COL4A5: variants seen among roughly 807,000 people sequenced by gnomAD.
COL4A5 encodes the protein collagen type IV alpha 5 chain, also known as collagen alpha-5(IV) chain.
A neutral mutation model predicts 130.2 loss-of-function variants in COL4A5; 26 were observed. The observed-to-expected ratio is 0.20, with a 90% CI of 0.15 to 0.28. The LOEUF (loss-of-function observed/expected upper bound fraction) is 0.28, where lower values mean the gene tolerates loss of function less well. Among genes scored for constraint, COL4A5 ranks in the 10% least tolerant of loss-of-function variants. COL4A5 has a pLI of 1.00. For missense variants in COL4A5, 1,131 were observed against 1,344.3 expected (o/e 0.84, Z 2.48); for synonymous variants, 496 against 439.6 (o/e 1.13, Z -1.60).
rs756420773 is a variant in COL4A5, at chrX:108,620,342, C to G, written c.2593C>G (p.Pro865Ala). ...AGGACCCCCAGGTGAAAGAGGCAGT[C>G]CAGGGATCCCCGGAGCACCTGGTCC... ...VPGPPGERGS[P>A]GIPGAPGPIG... Residue 865 changes from proline (P) to alanine (A), a missense_variant, in exon 31 of 53, where the codon CCA (proline) becomes GCA (alanine). Transcript: ENST00000328300. The G allele has an allele frequency of 7.5e-6, 9 of 1,206,455 alleles. No individual in the cohort carries two copies. Among genetic ancestry groups the G allele is most frequent in the Non-Finnish European group, 1.0e-5 (9 of 892,683 alleles).
chrX:108,561,542 G>A (rs1421780738), intron 3 of COL4A5, among the ~76,000 whole-genome samples: 1 of 109,686 alleles, frequency 9.1e-6, no homozygotes, highest in African/African-American at 3.3e-5. Context: ...GACTCTTTTG[G>A]CTTAGTGCCT....
chrX:108,543,104 T>G lies in COL4A5; in HGVS notation c.141+3299T>G, dbSNP rs747892147. 2.1e-3 allele frequency among the ~76,000 whole-genome samples: 237 copies of G among 110,746 alleles called. 2 individuals are homozygous for G. The highest frequency in any genetic ancestry group is 7.4e-3 in the African/African-American group (226 of 30,390). On this transcript the variant is annotated intron_variant, in intron 2 of 52. Coordinates refer to ENST00000328300, the MANE Select transcript of COL4A5 (RefSeq NM_033380.3). ...TTTCTTTTGCTGTGCAGAAGCTCTT[T>G]AGTTTAATTAGATCCCATTTGTCAA...
At chrX:108,692,163 T>C (rs891553277) in intron 49 of COL4A5, among the ~76,000 whole-genome samples, 7 of 112,143 alleles carry the variant, frequency 6.2e-5, no homozygotes, top group African/African-American at 2.3e-4. Context: ...TTGTCCCTAC[T>C]AGCTCTGAAT....
chrX:108,570,762 A>G (rs1352030731), intron 6 of COL4A5, among the ~76,000 whole-genome samples: 2 of 111,633 alleles, frequency 1.8e-5, no homozygotes, highest in African/African-American at 6.5e-5. Flanking sequence ...AAACCTTCTG[A>G]TGAAGTTGTT....
At chrX:108,475,933 G>A (rs1057015052) in intron 1 of COL4A5, among the ~76,000 whole-genome samples, 73 of 111,283 alleles carry the variant, frequency 6.6e-4, no homozygotes, top group African/African-American at 2.3e-3. Context: ...TAGACATAAG[G>A]ATTTCAGGAT....
chrX:108,618,394 GT>G (rs1363037626), intron 30 of COL4A5, among the ~76,000 whole-genome samples: 2 of 111,803 alleles, frequency 1.8e-5, no homozygotes, highest in African/African-American at 6.5e-5. Flanking sequence ...TACCCAACCT[GT>G]TGTAGTATAA....
chrX:108,686,188 T>A (rs2068542650), intron 48 of COL4A5, 59 bp downstream of exon 48: 2 of 898,779 alleles, frequency 2.2e-6, no homozygotes, highest in Non-Finnish European at 3.2e-6. Context: ...GAGAGACCTC[T>A]GGACATAGGG....
intron 47 of COL4A5, among the ~76,000 whole-genome samples, chrX:108,684,503 A>T (rs750975765): frequency 8.9e-6 from 1 of 112,576 alleles, no homozygotes; most frequent in East Asian, 2.8e-4. Flanking sequence ...GAAAATCTAG[A>T]AGAAATGGAT....
intron 49 of COL4A5, among the ~76,000 whole-genome samples, chrX:108,688,378 T>C (rs1025246461): frequency 4.5e-5 from 5 of 110,796 alleles, no homozygotes; most frequent in African/African-American, 6.6e-5. Context: ...ATTCTGACTT[T>C]GGATGTTGAA....
intron 29 of COL4A5, among the ~76,000 whole-genome samples, chrX:108,609,112 T>G (rs909630623): frequency 8.9e-6 from 1 of 112,162 alleles, no homozygotes; most frequent in Non-Finnish European, 1.9e-5. Flanking sequence ...TACAATTCTT[T>G]TTTATGGATA....
chrX:108,651,204 G>A (rs1475045253), intron 36 of COL4A5, among the ~76,000 whole-genome samples: 1 of 111,359 alleles, frequency 9.0e-6, no homozygotes, highest in African/African-American at 3.3e-5. Flanking sequence ...GACTGCTAAT[G>A]TGTACAGTTT....
intron 25 of COL4A5, among the ~76,000 whole-genome samples, chrX:108,599,640 G>A (rs1346134172): frequency 2.7e-5 from 3 of 111,590 alleles, no homozygotes; most frequent in Admixed American, 9.5e-5. Flanking sequence ...CTTCTCTAGG[G>A]CAAGAGTTGG....
intron 37 of COL4A5, among the ~76,000 whole-genome samples, chrX:108,661,226 G>A (rs914930924): frequency 3.6e-5 from 4 of 111,347 alleles, no homozygotes; most frequent in African/African-American, 9.8e-5. Context: ...TTCTTCTGTC[G>A]TATTTTCTCC....
At chrX:108,481,219 G>C (rs1174406898) in intron 1 of COL4A5, among the ~76,000 whole-genome samples, 10 of 110,920 alleles carry the variant, frequency 9.0e-5, no homozygotes, top group Non-Finnish European at 1.7e-4. Flanking sequence ...TCAGCTCAGA[G>C]CCAGTGTCCA....
intron 18 of COL4A5, 43 bp from the exon 19 acceptor site, chrX:108,586,572 T>C: frequency 8.6e-7 from 1 of 1,161,169 alleles, no homozygotes; most frequent in Non-Finnish European, 1.2e-6. Flanking sequence ...ACAAGGCTTT[T>C]CTTCTTTGCA....
intron 44 of COL4A5, 112 bp downstream of exon 44, chrX:108,677,745 T>G (rs753184797): frequency 3.2e-6 from 3 of 937,073 alleles, no homozygotes. Context: ...AGGTTCTATG[T>G]GTGGCTCACT....
At position 108,459,919 on chromosome X, in the gene COL4A5, A is replaced by T. The variant is rs549655703; in HGVS notation, c.81+19713A>T. Among the ~76,000 whole-genome samples the T allele has an allele frequency of 4.5e-5, 5 of 112,314 alleles. No individual in the cohort carries two copies. The South Asian group carries it at 1.8e-3, about 42-fold the overall frequency. Reference sequence around the variant, plus strand: ...TATTTCTCTTTGATAATGTTGTAGGAAACAAGAAATATGTAGGTCTTAACT... The same window carrying T: ...TATTTCTCTTTGATAATGTTGTAGGTAACAAGAAATATGTAGGTCTTAACT... On this transcript the variant is annotated intron_variant, in intron 1 of 52. Transcript: ENST00000328300.
In COL4A5 at chrX:108,681,865, C is replaced by G. The variant is rs1279392279; in HGVS notation, c.4193C>G (p.Pro1398Arg). ...CCTGGGCTAAAGGGTCTACCAGGAC[C>G]CCAAGGACCTCAAGGCTTACCAGGT... is the stretch of plus-strand genomic sequence containing the variant. ...GQPGLKGLPG[P>R]QGPQGLPGPT... Residue 1398 changes from proline to arginine, a missense_variant, in exon 47 of 53, where the codon CCC becomes CGC. Transcript: ENST00000328300. 8.3e-7 allele frequency: 1 copy of G among 1,209,678 alleles called. No homozygotes were observed. The highest frequency in any genetic ancestry group is 1.7e-5 in the African/African-American group (1 of 57,616).
chrX:108,477,436 C>T (rs188476473), intron 1 of COL4A5, among the ~76,000 whole-genome samples: 341 of 111,794 alleles, frequency 3.1e-3, no homozygotes, highest in Non-Finnish European at 5.0e-3. Context: ...GTCAATAAAT[C>T]GTACATCACA....
Sources: allele counts gnomAD v4.1 joint callset (sites outside exome capture counted in the v4.1 genomes callset), GRCh38; gene constraint gnomAD v4.1.1; transcripts MANE v1.5; gene names NCBI Gene and HGNC (gene_info 2026-07-23, HGNC 2026-07-21).